The following CCDC32 variants were observed in gnomAD, a reference collection of about 807,000 sequenced individuals.
CCDC32 encodes coiled-coil domain-containing protein 32.
A neutral mutation model predicts 20.1 loss-of-function variants in CCDC32; 9 were observed. That is an observed-to-expected ratio of 0.45 (90% CI 0.27 to 0.78). The LOEUF (loss-of-function observed/expected upper bound fraction) is 0.78. Ranked by LOEUF, CCDC32 falls within the 30% of genes least tolerant of loss-of-function variation. CCDC32 has a pLI of 0.16. For missense variants in CCDC32, 204 were observed against 215.5 expected (o/e 0.95, Z 0.33); for synonymous variants, 63 against 79.0 (o/e 0.80, Z 1.07).
At position 40,554,062 on chromosome 15, in the gene CCDC32, T is replaced by G; in HGVS notation, c.467A>C (p.Gln156Pro). ...DKVAVSTEEV[Q>P]YLIPPESQVE... Reference sequence around the variant, plus strand: ...CTGTGACTCTGGAGGAATCAGATACTGGACCTCCTCTGTGCTGACGGCTAC... The same window carrying G: ...CTGTGACTCTGGAGGAATCAGATACGGGACCTCCTCTGTGCTGACGGCTAC... The change falls in exon 4 of 4, where the codon CAG becomes CCG. Residue 156 changes from glutamine to proline, a missense_variant. Transcript: ENST00000416810. 6.2e-7 allele frequency: 1 copy of G among 1,614,044 alleles called. No individual in the cohort carries two copies. Among genetic ancestry groups the G allele is most frequent in the African/African-American group, 1.3e-5 (1 of 74,976 alleles).
At chr15:40,530,724 T>G (rs1207337063), downstream of CCDC32, among the ~76,000 whole-genome samples, 1 of 7,834 alleles carries the variant, frequency 1.3e-4, no homozygotes, top group Non-Finnish European at 3.5e-3. Context: ...AGGTATTCCT[T>G]TTTTTTTTTT....
chr15:40,561,068 A>G (rs967542054), intron 2 of CCDC32, among the ~76,000 whole-genome samples: 2 of 152,236 alleles, frequency 1.3e-5, no homozygotes, highest in African/African-American at 2.4e-5. Context: ...AGCAACTTAG[A>G]TGGAGCTGGA....
chr15:40,537,617 A>G (rs1222182436), downstream of CCDC32: 1 of 152,286 alleles, frequency 6.6e-6, no homozygotes, highest in Non-Finnish European at 1.5e-5. Context: ...TTTGAGCTCC[A>G]CAATACATGT....
At chr15:40,557,094 A>T in intron 3 of CCDC32, 122 bp downstream of exon 3, 2 of 1,088,256 alleles carry the variant, frequency 1.8e-6, no homozygotes, top group Non-Finnish European at 2.6e-6. Context: ...ACCAACACGT[A>T]GCTGCAGTAT....
At chr15:40,561,472 CAAAA>C (rs1222248827) in intron 2 of CCDC32, among the ~76,000 whole-genome samples, 22 of 97,688 alleles carry the variant, frequency 2.3e-4, no homozygotes, top group African/African-American at 7.4e-4. Context: ...GACTCCGTCT[CAAAA>C]AAAAAAAACA....
downstream of CCDC32, among the ~76,000 whole-genome samples, chr15:40,552,691 C>T (rs1376243210): frequency 3.0e-5 from 4 of 134,286 alleles, no homozygotes; most frequent in South Asian, 2.4e-4. Context: ...GGGAGGATCA[C>T]CTGAGCTCAG....
At chr15:40,542,928 T>C (rs1419037092) in intron 3 of CCDC32, among the ~76,000 whole-genome samples, 1 of 145,356 alleles carries the variant, frequency 6.9e-6, no homozygotes, top group Non-Finnish European at 1.5e-5. Context: ...AAGGCCAAGG[T>C]AGGAGGATTG....
At chr15:40,535,729 A>G (rs1247703749), downstream of CCDC32, 2 of 807,408 alleles carry the variant, frequency 2.5e-6, no homozygotes, top group Non-Finnish European at 3.0e-6. Flanking sequence ...GGTTTATTTA[A>G]TCATTCGTTC....
chr15:40,538,961 C>T (rs919922800), downstream of CCDC32: 7 of 462,058 alleles, frequency 1.5e-5, no homozygotes, highest in African/African-American at 7.8e-5. Flanking sequence ...CAGGTGGGCT[C>T]ACCGCAGGAG....
intron 2 of CCDC32, chr15:40,561,864 G>A (rs1224946724): frequency 1.3e-5 from 2 of 149,244 alleles, no homozygotes; most frequent in Middle Eastern, 3.4e-3. Flanking sequence ...GCCCCTCACC[G>A]CCCTAGACTG....
At chr15:40,545,054 C>T (rs903667796) in intron 3 of CCDC32, among the ~76,000 whole-genome samples, 5 of 152,192 alleles carry the variant, frequency 3.3e-5, no homozygotes. Flanking sequence ...AAACCAACAA[C>T]ATGTCAGTTT....
downstream of CCDC32, among the ~76,000 whole-genome samples, chr15:40,530,530 C>CCTCT (rs3067991): frequency 1 from 144,949 of 145,668 alleles, 72,116 homozygotes; most frequent in East Asian, 1. Flanking sequence ...CCTGGCACCT[C>CCTCT]CTCTCTCTCT....
downstream of CCDC32, chr15:40,535,011 C>T (rs1468464135): frequency 2.8e-6 from 2 of 705,276 alleles, no homozygotes; most frequent in Admixed American, 4.0e-5. Context: ...GAGCCCATGC[C>T]TGCCGTGATG....
At chr15:40,554,166 C>T (rs1890079485) in intron 3 of CCDC32, 39 bp from the exon 4 acceptor site, 5 of 1,578,158 alleles carry the variant, frequency 3.2e-6, no homozygotes, top group Non-Finnish European at 4.3e-6. Flanking sequence ...TGTGTCAGAC[C>T]TCACTGATTA....
chr15:40,563,421 G>A (rs1187102656), intron 1 of CCDC32, among the ~76,000 whole-genome samples: 1 of 151,988 alleles, frequency 6.6e-6, no homozygotes, highest in Admixed American at 6.6e-5. Flanking sequence ...TACACAAAAG[G>A]CAGATACTGT....
the CCDC32 span, among the ~76,000 whole-genome samples, chr15:40,521,215 G>A: frequency 2.0e-5 from 3 of 152,122 alleles, no homozygotes; most frequent in Admixed American, 2.0e-4. Flanking sequence ...CATCACCCCC[G>A]AAAAAGAAAC....
chr15:40,525,271 A>G (rs1257238006), downstream of CCDC32, among the ~76,000 whole-genome samples: 1 of 151,942 alleles, frequency 6.6e-6, no homozygotes, highest in Non-Finnish European at 1.5e-5. Context: ...CTCGTGATCC[A>G]CTTACCTTCG....
At chr15:40,527,333 T>A (rs1411901226), downstream of CCDC32, among the ~76,000 whole-genome samples, 2 of 152,090 alleles carry the variant, frequency 1.3e-5, no homozygotes, top group African/African-American at 2.4e-5. Flanking sequence ...ACCATGCCTA[T>A]CTAATTTTTG....
At chr15:40,530,399 G>A (rs1384681403), downstream of CCDC32, among the ~76,000 whole-genome samples, 2 of 150,484 alleles carry the variant, frequency 1.3e-5, no homozygotes, top group Non-Finnish European at 3.0e-5. Flanking sequence ...CTGTCCTTAT[G>A]GTAGTGAGTG....
Sources: gnomAD v4.1 joint callset for allele counts (sites outside exome capture counted in the v4.1 genomes callset) on GRCh38, gnomAD v4.1.1 for gene constraint, MANE v1.5 for transcripts, NCBI Gene and HGNC (gene_info 2026-07-23, HGNC 2026-07-21) for gene names.